The following FMN1 variants were observed in gnomAD, a reference collection of about 807,000 sequenced individuals.
The protein encoded by FMN1 is formin 1.
A neutral mutation model predicts 132.4 loss-of-function variants in FMN1; 110 were observed. The observed-to-expected ratio is 0.83, with a 90% CI of 0.71 to 0.97. The LOEUF is 0.97. Ranked by LOEUF, FMN1 falls within the 50% of genes least tolerant of loss-of-function variation. The pLI is 0.00. For synonymous variants in FMN1, 722 were observed against 651.7 expected (o/e 1.11, Z -1.64); for missense variants, 1,792 against 1,705.3 (o/e 1.05, Z -0.90).
intron 19 of FMN1, among the ~76,000 whole-genome samples, chr15:32,785,854 A>G (rs2056860216): frequency 6.6e-6 from 1 of 152,200 alleles, no homozygotes; most frequent in African/African-American, 2.4e-5. Flanking sequence ...TTGGCAGACA[A>G]AGGCAAAGAA....
chr15:32,995,205 C>T (rs1245589576), intron 7 of FMN1, among the ~76,000 whole-genome samples: 2 of 151,918 alleles, frequency 1.3e-5, no homozygotes, highest in African/African-American at 4.8e-5. Context: ...TATATTGTAT[C>T]AAAACAAGTA....
At chr15:32,777,330 T>A (rs2056450792) in intron 19 of FMN1, among the ~76,000 whole-genome samples, 1 of 151,700 alleles carries the variant, frequency 6.6e-6, no homozygotes, top group Non-Finnish European at 1.5e-5. Flanking sequence ...CGAATTCACA[T>A]CAATTAAGAT....
Position 32,790,030 on chromosome 15 carries a change from G to T in FMN1, c.4130+8774C>A, listed in dbSNP as rs192067795. Among the ~76,000 whole-genome samples, 3 of 42,248 alleles carry T rather than the reference G, an allele frequency of 7.1e-5. No individual in the cohort carries two copies. The East Asian group carries it at 2.5e-3, about 35-fold the overall frequency. 27.7% of individuals were successfully genotyped at this position (42,248 alleles called of 152,430 possible). On this transcript the variant is annotated intron_variant, in intron 19 of 20. Transcript: ENST00000616417. ...CAATGCGTTTCTCACAATGTATCCC[G>T]CTAGTTAAGTGACACGATTCTACGT...
chr15:32,938,097 T>C (rs1467624383), intron 9 of FMN1, among the ~76,000 whole-genome samples: 1 of 147,416 alleles, frequency 6.8e-6, no homozygotes, highest in Non-Finnish European at 1.5e-5. Context: ...TTTGTTGCAC[T>C]TTTTTTTTTC....
chr15:32,812,584 C>T (rs1448757740), intron 17 of FMN1, among the ~76,000 whole-genome samples: 1 of 152,162 alleles, frequency 6.6e-6, no homozygotes, highest in African/African-American at 2.4e-5. Flanking sequence ...TGGCCGAGAC[C>T]GTCACATAAA....
chr15:32,780,979 G>A (rs542060186), intron 19 of FMN1, among the ~76,000 whole-genome samples: 1 of 152,114 alleles, frequency 6.6e-6, no homozygotes, highest in African/African-American at 2.4e-5. Flanking sequence ...TTTCATGATA[G>A]AGGTTATTGC....
intron 9 of FMN1, among the ~76,000 whole-genome samples, chr15:32,947,731 T>C (rs2061540296): frequency 6.6e-6 from 1 of 152,104 alleles, no homozygotes; most frequent in Non-Finnish European, 1.5e-5. Flanking sequence ...CCATATTTGC[T>C]TAGATTTATT....
chr15:32,899,012 G>T, intron 14 of FMN1, 119 bp from the exon 15 acceptor site: 2 of 680,088 alleles, frequency 2.9e-6, no homozygotes, highest in Non-Finnish European at 2.6e-6. Context: ...CTTTCTCTTC[G>T]ATGCTGGCAA....
intron 3 of FMN1, among the ~76,000 whole-genome samples, chr15:33,159,352 G>A (rs1566959755): frequency 6.6e-6 from 1 of 152,184 alleles, no homozygotes; most frequent in Non-Finnish European, 1.5e-5. Flanking sequence ...GGCTTCAGGG[G>A]AAGAAGATGA....
rs1345388783 is a variant in FMN1, at chr15:32,767,401, T to C, written c.*6909A>G. On this transcript the variant is annotated 3_prime_UTR_variant, in exon 21 of 21. Coordinates refer to ENST00000616417, the MANE Select transcript of FMN1 (RefSeq NM_001277313.2). ...CTGCTAGGTCTGATTCATACTAGGATGTTGACTGCCTTCACTCAGGTTCTA... is the reference window on the plus strand; with the variant it reads ...CTGCTAGGTCTGATTCATACTAGGACGTTGACTGCCTTCACTCAGGTTCTA... 1 of 152,204 alleles carries C rather than the reference T, an allele frequency of 6.6e-6. No individual in the cohort carries two copies. The highest frequency in any genetic ancestry group is 1.5e-5 in the Non-Finnish European group (1 of 68,042). The allele number at this position is 152,204 out of a possible 1,614,324, so 9.4% of individuals were successfully genotyped here.
intron 4 of FMN1, among the ~76,000 whole-genome samples, chr15:33,144,120 G>C (rs1964115375): frequency 6.6e-6 from 1 of 152,118 alleles, no homozygotes; most frequent in African/African-American, 2.4e-5. Context: ...CTTTTCTTTT[G>C]CTCTTTCATC....
At position 32,926,270 on chromosome 15, in the gene FMN1, A is replaced by G; in HGVS notation, c.3139-9T>C. 1 of 1,376,174 alleles carries G rather than the reference A, an allele frequency of 7.3e-7. No individual in the cohort carries two copies. The highest frequency in any genetic ancestry group is 9.9e-7 in the Non-Finnish European group (1 of 1,007,706). 85.2% of individuals were successfully genotyped at this position (1,376,174 alleles called of 1,614,324 possible). On this transcript the variant is annotated splice_polypyrimidine_tract_variant and intron_variant, in intron 9 of 20. Transcript: ENST00000616417. ...TCCAACAATTTGATGATCTAAAATT[A>G]GAAAAAAAAAAAAAAGAATACAAGC...
intron 16 of FMN1, among the ~76,000 whole-genome samples, chr15:32,858,896 TG>T (rs1344172571): frequency 6.6e-6 from 1 of 152,210 alleles, no homozygotes; most frequent in Non-Finnish European, 1.5e-5. Flanking sequence ...TGTGGCCAAA[TG>T]GTAAGTATAT....
chr15:33,191,768 T>C (rs1269651014), intron 2 of FMN1, among the ~76,000 whole-genome samples: 1 of 152,206 alleles, frequency 6.6e-6, no homozygotes, highest in Non-Finnish European at 1.5e-5. Flanking sequence ...GCACAGACAC[T>C]AAATACAGAG....
chr15:32,816,096 T>C (rs1239782514), intron 17 of FMN1, among the ~76,000 whole-genome samples: 4 of 152,232 alleles, frequency 2.6e-5, no homozygotes, highest in Admixed American at 6.5e-5. Context: ...ACTATAATTC[T>C]TTGTAATCCA....
intron 16 of FMN1, among the ~76,000 whole-genome samples, chr15:32,864,154 G>A (rs1481007128): frequency 1.3e-5 from 2 of 152,140 alleles, no homozygotes; most frequent in Non-Finnish European, 2.9e-5. Flanking sequence ...CACAAAGGGA[G>A]GTTTCAAGTT....
intron 4 of FMN1, among the ~76,000 whole-genome samples, chr15:33,112,282 C>T (rs2039737915): frequency 1.2e-5 from 1 of 85,086 alleles, no homozygotes; most frequent in South Asian, 5.9e-4. Flanking sequence ...TGTTAGGTGG[C>T]AGTGCATAAA....
At chr15:32,897,452 A>C (rs1369605180) in intron 15 of FMN1, among the ~76,000 whole-genome samples, 1 of 152,216 alleles carries the variant, frequency 6.6e-6, no homozygotes, top group Admixed American at 6.5e-5. Flanking sequence ...TGAGAAAAAA[A>C]GGAAGTTTTA....
intron 4 of FMN1, among the ~76,000 whole-genome samples, chr15:33,115,583 A>C (rs2039893831): frequency 6.9e-6 from 1 of 144,720 alleles, no homozygotes; most frequent in Non-Finnish European, 1.5e-5. Context: ...CCTATCTTTT[A>C]CATTCAAATA....
Sources: allele counts gnomAD v4.1 joint callset (sites outside exome capture counted in the v4.1 genomes callset), GRCh38; gene constraint gnomAD v4.1.1; transcripts MANE v1.5; gene names NCBI Gene and HGNC (gene_info 2026-07-23, HGNC 2026-07-21).